The following LRRC7 variants were observed in gnomAD, a reference collection of about 807,000 sequenced individuals.
LRRC7 encodes leucine-rich repeat-containing protein 7.
LRRC7 carries 23 observed loss-of-function variants against 175.7 expected under a neutral mutation model. The observed-to-expected ratio is 0.13, with a 90% CI of 0.09 to 0.19. LRRC7 has a LOEUF of 0.19. Among genes scored for constraint, LRRC7 ranks in the 10% least tolerant of loss-of-function variants. The pLI is 1.00. For missense variants in LRRC7, 1,354 were observed against 1,904.7 expected (o/e 0.71, Z 5.38); for synonymous variants, 685 against 680.9 (o/e 1.01, Z -0.09).
At chr1:69,701,398 T>C (rs1289612896) in intron 2 of LRRC7, among the ~76,000 whole-genome samples, 3 of 152,176 alleles carry the variant, frequency 2.0e-5, no homozygotes, top group African/African-American at 7.2e-5. Flanking sequence ...TCCATGTGTA[T>C]CACACACACT....
At chr1:69,938,523 C>T (rs914665382) in intron 8 of LRRC7, among the ~76,000 whole-genome samples, 6 of 151,846 alleles carry the variant, frequency 4.0e-5, no homozygotes, top group Non-Finnish European at 7.4e-5. Context: ...ATATTCTGAG[C>T]GATACAGTTG....
chr1:69,716,242 T>C (rs758609998), intron 2 of LRRC7: 3 of 463,892 alleles, frequency 6.5e-6, no homozygotes, highest in South Asian at 5.7e-5. Context: ...TATTTTACTA[T>C]GCTTAAGTAT....
rs1179152917 is a variant in LRRC7 at position 69,636,274 on chromosome 1, A to G, written c.3-42107A>G. On this transcript the variant is annotated intron_variant, in intron 1 of 26. Coordinates refer to ENST00000651989, the MANE Select transcript of LRRC7 (RefSeq NM_001370785.2). ...ATTGAGAAATTTTTATGTTACTTGTATATGACAGTTTCATCTGTTAGGCAT... is the reference window on the plus strand; with the variant it reads ...ATTGAGAAATTTTTATGTTACTTGTGTATGACAGTTTCATCTGTTAGGCAT... 3.9e-5 allele frequency among the ~76,000 whole-genome samples: 6 copies of G among 152,148 alleles called. No homozygotes were observed. The East Asian group carries it at 9.7e-4, about 25-fold the overall frequency.
At chr1:69,687,160 T>C (rs1159221695) in intron 2 of LRRC7, among the ~76,000 whole-genome samples, 1 of 152,140 alleles carries the variant, frequency 6.6e-6, no homozygotes, top group Admixed American at 6.5e-5. Flanking sequence ...TAGTTGTCAA[T>C]AGCAAATAAA....
chr1:69,847,828 C>G (rs1212363113), intron 7 of LRRC7, among the ~76,000 whole-genome samples: 1 of 152,086 alleles, frequency 6.6e-6, no homozygotes, highest in Non-Finnish European at 1.5e-5. Context: ...TCAGAGCTTT[C>G]TTATTAAAAC....
chr1:69,790,419 T>C (rs114220113), intron 3 of LRRC7, among the ~76,000 whole-genome samples: 1,902 of 152,146 alleles, frequency 0.013, 33 homozygotes, highest in African/African-American at 0.043. Context: ...TATTAATTCT[T>C]GAGCTCACTT....
chr1:69,628,238 G>A (rs182422340), intron 1 of LRRC7, among the ~76,000 whole-genome samples: 4 of 151,110 alleles, frequency 2.6e-5, no homozygotes, highest in African/African-American at 9.6e-5. Context: ...TGAAAAGTCA[G>A]AATGAGTAAA....
chr1:70,029,794 G>A (rs10493466), intron 18 of LRRC7, among the ~76,000 whole-genome samples: 34,007 of 151,974 alleles, frequency 0.22, 3,876 homozygotes, highest in African/African-American at 0.24. Context: ...AGTCTAAAAT[G>A]TCTTCATGTA....
At chr1:69,957,693 G>A (rs922273209) in intron 8 of LRRC7, among the ~76,000 whole-genome samples, 1 of 151,734 alleles carries the variant, frequency 6.6e-6, no homozygotes, top group Non-Finnish European at 1.5e-5. Flanking sequence ...TTTATGACCC[G>A]AATGTTATTG....
intron 11 of LRRC7, among the ~76,000 whole-genome samples, chr1:69,995,754 T>C (rs972342341): frequency 6.6e-6 from 1 of 152,142 alleles, no homozygotes. Flanking sequence ...TATGGCTGCA[T>C]AGTATTCCAT....
intron 23 of LRRC7, among the ~76,000 whole-genome samples, chr1:70,053,364 A>G (rs574640124): frequency 3.2e-4 from 49 of 152,314 alleles, no homozygotes; most frequent in Middle Eastern, 6.8e-3. Flanking sequence ...TTTACAAACA[A>G]CATCCTGCAA....
intron 2 of LRRC7, among the ~76,000 whole-genome samples, chr1:69,730,977 C>G (rs920816217): frequency 6.6e-6 from 1 of 151,862 alleles, no homozygotes; most frequent in Non-Finnish European, 1.5e-5. Flanking sequence ...CAAGCAGTGC[C>G]GAGAAAAAGG....
At chr1:69,578,131 G>C (rs1020152113) in intron 1 of LRRC7, among the ~76,000 whole-genome samples, 1 of 152,068 alleles carries the variant, frequency 6.6e-6, no homozygotes, top group African/African-American at 2.4e-5. Context: ...AGGGGGCGAA[G>C]GACATGAACA....
At position 69,923,266 on chromosome 1, in the gene LRRC7, T is replaced by C. The variant is rs1289485768; in HGVS notation, c.648-8241T>C. On this transcript the variant is annotated intron_variant, in intron 7 of 26. Coordinates refer to ENST00000651989, the MANE Select transcript of LRRC7 (RefSeq NM_001370785.2). ...AAGTCTTTGCTATTGTGAATAGTGC[T>C]GCAATAAACATACATGTGCATGTGT... Among the ~76,000 whole-genome samples the C allele has an allele frequency of 2.6e-5, 4 of 152,192 alleles. 1 individual carries two copies. The highest frequency in any genetic ancestry group is 4.8e-5 in the African/African-American group (2 of 41,448).
At chr1:69,810,583 C>A (rs1314432982) in intron 4 of LRRC7, among the ~76,000 whole-genome samples, 1 of 152,000 alleles carries the variant, frequency 6.6e-6, no homozygotes, top group Non-Finnish European at 1.5e-5. Flanking sequence ...ATATATAGAC[C>A]AATAGAACAG....
intron 4 of LRRC7, among the ~76,000 whole-genome samples, chr1:69,795,901 A>AT (rs201689625): frequency 1.4e-5 from 2 of 141,628 alleles, no homozygotes; most frequent in East Asian, 2.0e-4. Context: ...GAGTAAACAG[A>AT]TTTTTTTTGG....
chr1:69,985,450 T>C (rs1375604698), intron 9 of LRRC7, among the ~76,000 whole-genome samples: 2 of 152,220 alleles, frequency 1.3e-5, no homozygotes, highest in Non-Finnish European at 2.9e-5. Context: ...ATTTATTTTA[T>C]TCAGTGCCAA....
chr1:69,573,927 A>G (rs1645839045), intron 1 of LRRC7, among the ~76,000 whole-genome samples: 1 of 152,198 alleles, frequency 6.6e-6, no homozygotes, highest in South Asian at 2.1e-4. Flanking sequence ...CATTGTTTAA[A>G]TAATTCATTT....
chr1:70,010,361 T>G (rs926877547), intron 11 of LRRC7, among the ~76,000 whole-genome samples: 2 of 151,760 alleles, frequency 1.3e-5, no homozygotes, highest in African/African-American at 4.8e-5. Flanking sequence ...AGGTCAGGAG[T>G]TTGAGACCAG....
Sources: allele counts gnomAD v4.1 joint callset (sites outside exome capture counted in the v4.1 genomes callset), GRCh38; gene constraint gnomAD v4.1.1; transcripts MANE v1.5; gene names NCBI Gene and HGNC (gene_info 2026-07-23, HGNC 2026-07-21).